Variants in NUP133 observed in about 807,000 individuals in gnomAD.
NUP133 encodes nuclear pore complex protein Nup133.
In NUP133, 66 loss-of-function variants were observed where a neutral mutation model predicts 146.2. The observed-to-expected ratio is 0.45, with a 90% CI of 0.37 to 0.55. The LOEUF is 0.55. Ranked by LOEUF, NUP133 falls within the 20% of genes least tolerant of loss-of-function variation. The probability of loss-of-function intolerance (pLI) is 0.00; values close to 1 mark genes in which losing one functional copy is unlikely to be tolerated. For synonymous variants in NUP133, 521 were observed against 498.8 expected, an observed-to-expected ratio of 1.04 and a Z score of -0.59; for missense variants, 1,277 against 1,374.8, an observed-to-expected ratio of 0.93 and a Z score of 1.12.
At chr1:229,454,412 C>G (rs1164898235) in intron 21 of NUP133, among the ~76,000 whole-genome samples, 2 of 152,192 alleles carry the variant, frequency 1.3e-5, no homozygotes, top group Non-Finnish European at 2.9e-5. Flanking sequence ...AAATGGAACA[C>G]TTTTGTCCAT....
intron 12 of NUP133, among the ~76,000 whole-genome samples, chr1:229,481,390 A>C (rs181479901): frequency 6.6e-6 from 1 of 152,280 alleles, no homozygotes; most frequent in East Asian, 1.9e-4. Context: ...GATGAGTCTA[A>C]ATCCAATGAC....
At chr1:229,453,491 G>C (rs1438380869) in intron 21 of NUP133, among the ~76,000 whole-genome samples, 1 of 152,144 alleles carries the variant, frequency 6.6e-6, no homozygotes, top group Non-Finnish European at 1.5e-5. Flanking sequence ...AAATACTCGA[G>C]AACTATGAGA....
chr1:229,466,882 G>T, intron 15 of NUP133, 126 bp from the exon 16 acceptor site: 1 of 683,114 alleles, frequency 1.5e-6, no homozygotes, highest in Non-Finnish European at 2.2e-6. Flanking sequence ...TTTATTGGCA[G>T]TTGATGGTAA....
intron 20 of NUP133, among the ~76,000 whole-genome samples, chr1:229,458,627 C>A (rs1660620282): frequency 6.6e-6 from 1 of 151,908 alleles, no homozygotes; most frequent in South Asian, 2.1e-4. Flanking sequence ...ACAATATACT[C>A]ATTGCAAAAA....
intron 23 of NUP133, 22 bp downstream of exon 23, chr1:229,450,503 C>G: frequency 1.5e-6 from 2 of 1,319,348 alleles, no homozygotes; most frequent in Non-Finnish European, 2.1e-6. Context: ...TGCCTGAGAT[C>G]ATCTCAAGCA....
chr1:229,465,852 T>C (rs889784290), intron 16 of NUP133, among the ~76,000 whole-genome samples: 20 of 125,604 alleles, frequency 1.6e-4, no homozygotes, highest in Non-Finnish European at 3.2e-4. Context: ...ATCAAGCCAC[T>C]ATAAACCCAG....
chr1:229,463,729 T>C (rs939148631), intron 18 of NUP133, 53 bp from the exon 19 acceptor site: 1 of 1,517,924 alleles, frequency 6.6e-7, no homozygotes, highest in East Asian at 2.4e-5. Flanking sequence ...ACTTAAAATC[T>C]GTAATAAAAA....
rs1358379224 is a variant in NUP133, at chr1:229,465,507, C to T, written c.2212G>A (p.Ala738Thr). The T allele has an allele frequency of 1.2e-6, 2 of 1,613,302 alleles. No individual in the cohort carries two copies. The highest frequency in any genetic ancestry group is 1.3e-5 in the African/African-American group (1 of 75,006). ...CTATTTTGGCGATAATGACTAGCAG[C>T]CTGCAGCATATCCTGGAAAAAAAGT... ...VNNILKDMLQ[A>T]ASHYRQNRNS... Residue 738 changes from alanine (A) to threonine (T), a missense_variant, in exon 17 of 26, where the codon GCT (alanine) becomes ACT (threonine). Physicochemically the swap from Ala to Thr is moderately conservative, Grantham distance 58 (BLOSUM62 0). Coordinates refer to ENST00000261396, the MANE Select transcript of NUP133 (RefSeq NM_018230.3).
intron 8 of NUP133, among the ~76,000 whole-genome samples, chr1:229,495,037 C>A (rs904203348): frequency 1.3e-5 from 2 of 152,090 alleles, no homozygotes; most frequent in African/African-American, 4.8e-5. Context: ...TAACATCACT[C>A]GATAAACAAG....
At chr1:229,480,973 T>C (rs1003262198) in intron 12 of NUP133, among the ~76,000 whole-genome samples, 23 of 151,872 alleles carry the variant, frequency 1.5e-4, no homozygotes, top group South Asian at 8.3e-4. Context: ...GGATTACAGG[T>C]GTGAACCATC....
chr1:229,446,743 A>T (rs7546091), intron 24 of NUP133, among the ~76,000 whole-genome samples: 7 of 151,098 alleles, frequency 4.6e-5, no homozygotes, highest in South Asian at 2.1e-4. Flanking sequence ...CAAAAAAAAA[A>T]TTTTTTTTTA....
intron 12 of NUP133, among the ~76,000 whole-genome samples, chr1:229,483,056 G>A (rs868097361): frequency 3.3e-5 from 5 of 152,164 alleles, no homozygotes; most frequent in African/African-American, 1.2e-4. Context: ...TAAGGTTTGT[G>A]GTGATTTTGC....
At chr1:229,483,141 C>G (rs34551512) in intron 12 of NUP133, among the ~76,000 whole-genome samples, 23,837 of 152,170 alleles carry the variant, frequency 0.16, 2,406 homozygotes, top group Middle Eastern at 0.26. Context: ...ATCTGTCACT[C>G]AGGCTAGAAT....
At chr1:229,449,909 T>C (rs1213760733) in intron 23 of NUP133, among the ~76,000 whole-genome samples, 11 of 129,496 alleles carry the variant, frequency 8.5e-5, no homozygotes, top group Middle Eastern at 4.6e-3. Context: ...TGAGACAGTC[T>C]CACTCTGTCG....
At chr1:229,477,895 G>C in intron 12 of NUP133, 135 bp from the exon 13 acceptor site, 1 of 591,888 alleles carries the variant, frequency 1.7e-6, no homozygotes, top group Non-Finnish European at 2.9e-6. Flanking sequence ...AGTAGGGATG[G>C]AACTGGAGGA....
chr1:229,476,544 T>G (rs913418572), intron 13 of NUP133, among the ~76,000 whole-genome samples: 20 of 152,342 alleles, frequency 1.3e-4, no homozygotes, highest in African/African-American at 3.8e-4. Context: ...CTTCTACATA[T>G]TGACATTTGA....
At chr1:229,480,750 G>A (rs141835191) in intron 12 of NUP133, among the ~76,000 whole-genome samples, 2 of 152,208 alleles carry the variant, frequency 1.3e-5, no homozygotes, top group East Asian at 3.9e-4. Flanking sequence ...GCGGTGACGG[G>A]ATCTCGGCTC....
intron 16 of NUP133, among the ~76,000 whole-genome samples, 190 bp downstream of exon 16, chr1:229,466,444 C>A (rs773356979): frequency 2.0e-5 from 3 of 152,142 alleles, no homozygotes; most frequent in Non-Finnish European, 4.4e-5. Context: ...TTAATAGGCA[C>A]CAGGCTAACA....
At chr1:229,472,086 G>A (rs1192345332) in intron 14 of NUP133, among the ~76,000 whole-genome samples, 5 of 152,200 alleles carry the variant, frequency 3.3e-5, no homozygotes, top group South Asian at 4.1e-4. Context: ...TTGGGAGGCC[G>A]AGGCGGGCGG....
Sources: gnomAD v4.1 joint callset for allele counts (sites outside exome capture counted in the v4.1 genomes callset) on GRCh38, gnomAD v4.1.1 for gene constraint, MANE v1.5 for transcripts, NCBI Gene and HGNC (gene_info 2026-07-23, HGNC 2026-07-21) for gene names.